Variants in LNPEP observed in about 807,000 individuals in gnomAD.
The protein encoded by LNPEP is leucyl-cystinyl aminopeptidase.
Under a neutral mutation model 120.6 loss-of-function variants are expected in LNPEP, and 64 were observed. The ratio of observed to expected loss-of-function variants is 0.53; its 90% CI spans 0.43 to 0.65. The LOEUF (loss-of-function observed/expected upper bound fraction) is 0.65, where lower values mean the gene tolerates loss of function less well. Ranked by LOEUF, LNPEP falls within the 30% of genes least tolerant of loss-of-function variation. The probability of loss-of-function intolerance (pLI) is 0.00; values close to 1 mark genes in which losing one functional copy is unlikely to be tolerated. For missense variants in LNPEP, 1,057 were observed against 1,200.0 expected, an observed-to-expected ratio of 0.88 and a Z score of 1.76; for synonymous variants, 435 against 425.4, an observed-to-expected ratio of 1.02 and a Z score of -0.28.
chr5:96,971,875 C>G (rs771623530), intron 1 of LNPEP, among the ~76,000 whole-genome samples: 3 of 151,930 alleles, frequency 2.0e-5, no homozygotes, highest in African/African-American at 2.4e-5. Flanking sequence ...TAATAAAACA[C>G]GTCTTCTTCA....
rs141884110 is a variant in LNPEP at position 97,007,342 on chromosome 5, A to T, written c.2035+827A>T. On this transcript the variant is annotated intron_variant, in intron 11 of 17. Transcript: ENST00000231368. Reference sequence around the variant, plus strand: ...GGTTCAATTCTTAGCAGTACCATTGATCACTTATATGATTTTAGGCGAGTT... The same window carrying T: ...GGTTCAATTCTTAGCAGTACCATTGTTCACTTATATGATTTTAGGCGAGTT... Among the ~76,000 whole-genome samples the T allele has an allele frequency of 1.2e-3, 188 of 152,280 alleles. 1 individual carries two copies. Among genetic ancestry groups the T allele is most frequent in the African/African-American group, 4.4e-3 (184 of 41,558 alleles).
intron 1 of LNPEP, 134 bp from the exon 2 acceptor site, chr5:96,979,004 T>G: frequency 1.1e-6 from 1 of 927,520 alleles, no homozygotes; most frequent in Non-Finnish European, 1.6e-6. Flanking sequence ...TCAGTAGCTC[T>G]GAGATGGAAA....
chr5:97,029,232 T>G lies in LNPEP; in HGVS notation c.*699T>G, dbSNP rs1269872831. 1 of 152,372 alleles carries G rather than the reference T, an allele frequency of 6.6e-6. No homozygotes were observed. Among genetic ancestry groups the G allele is most frequent in the Non-Finnish European group, 1.5e-5 (1 of 68,036 alleles). 9.4% of individuals were successfully genotyped at this position (152,372 alleles called of 1,614,324 possible). A position where few individuals can be genotyped will look rare whatever the true frequency, so the allele number is the denominator to read the frequency against. The stretch of plus-strand genomic sequence containing the variant: ...TTAAATTTTTTGAATATTTAAGACT[T>G]TCTTTTTCATCTTTTATAGCGTTAC... On this transcript the variant is annotated 3_prime_UTR_variant, in exon 18 of 18. Coordinates refer to ENST00000231368, the MANE Select transcript of LNPEP (RefSeq NM_005575.3).
chr5:97,025,337 G>T (rs150651321), intron 15 of LNPEP, among the ~76,000 whole-genome samples: 1 of 152,300 alleles, frequency 6.6e-6, no homozygotes, highest in African/African-American at 2.4e-5. Context: ...GTATGATTTT[G>T]CTCAGATAAA....
chr5:97,026,448 A>T (rs1414642245), intron 15 of LNPEP, among the ~76,000 whole-genome samples, 169 bp from the exon 16 acceptor site: 1 of 151,958 alleles, frequency 6.6e-6, no homozygotes, highest in Non-Finnish European at 1.5e-5. Flanking sequence ...TTCTTCATTT[A>T]AAAAAAATGA....
At chr5:96,983,128 C>T (rs1423724474) in intron 2 of LNPEP, among the ~76,000 whole-genome samples, 1 of 152,136 alleles carries the variant, frequency 6.6e-6, no homozygotes, top group Non-Finnish European at 1.5e-5. Flanking sequence ...TACTGATTTG[C>T]CCAAAGTCAT....
At chr5:96,948,165 T>G (rs1414801936) in intron 1 of LNPEP, among the ~76,000 whole-genome samples, 2 of 151,870 alleles carry the variant, frequency 1.3e-5, no homozygotes, top group African/African-American at 4.8e-5. Flanking sequence ...TCTCCCAGGC[T>G]GGAGTGCAGT....
chr5:96,985,074 T>C lies in LNPEP; in HGVS notation c.861-6T>C. The C allele has an allele frequency of 1.2e-6, 2 of 1,613,740 alleles. No homozygotes were observed. Among genetic ancestry groups the C allele is most frequent in the Admixed American group, 1.7e-5 (1 of 59,990 alleles). On this transcript the variant is annotated splice_polypyrimidine_tract_variant and splice_region_variant and intron_variant, in intron 2 of 17. Transcript: ENST00000231368. The stretch of plus-strand genomic sequence containing the variant: ...AACTACTGGATTGAATTTGTGTTTG[T>C]TTTAGGTACTTTGCAGCAACTCAGT...
At position 97,034,074 on chromosome 5, in the gene LNPEP, A is replaced by G. The variant is rs1044708889; in HGVS notation, c.*5541A>G. The G allele has an allele frequency of 6.6e-6, 1 of 152,024 alleles. No individual in the cohort carries two copies. The highest frequency in any genetic ancestry group is 1.5e-5 in the Non-Finnish European group (1 of 67,992). The allele number at this position is 152,024 out of a possible 1,614,324, so 9.4% of individuals were successfully genotyped here. A position where few individuals can be genotyped will look rare whatever the true frequency, so the allele number is the denominator to read the frequency against. ...CTTGGACTTACGGGTACCTAATGAA[A>G]CGTGGAGGTCCGGATGTATGAAAAT... is the stretch of plus-strand genomic sequence containing the variant. On this transcript the variant is annotated 3_prime_UTR_variant, in exon 18 of 18. Coordinates refer to ENST00000231368, the MANE Select transcript of LNPEP (RefSeq NM_005575.3).
rs1415345002 is a variant in LNPEP, at chr5:97,028,567, C to T, written c.*34C>T. 3.1e-6 allele frequency: 5 copies of T among 1,609,604 alleles called. No individual in the cohort carries two copies. The highest frequency in any genetic ancestry group is 4.2e-6 in the Non-Finnish European group (5 of 1,177,626). ...ACCGCACCTCATTTTGTTGCCCATTCAGAGAGCTTGTAAGCTTGGGCTCTG... is the reference window on the plus strand; with the variant it reads ...ACCGCACCTCATTTTGTTGCCCATTTAGAGAGCTTGTAAGCTTGGGCTCTG... On this transcript the variant is annotated 3_prime_UTR_variant, in exon 18 of 18. Transcript: ENST00000231368.
chr5:96,982,018 G>A (rs182179450), intron 2 of LNPEP, among the ~76,000 whole-genome samples: 35 of 152,258 alleles, frequency 2.3e-4, no homozygotes, highest in African/African-American at 8.2e-4. Flanking sequence ...TGAAGGGCTG[G>A]AAACTGTTCC....
Position 97,034,672 on chromosome 5 carries a change from GT to G in LNPEP, c.*6143del, listed in dbSNP as rs1305687839. The G allele has an allele frequency of 6.6e-6, 1 of 151,972 alleles. No individual in the cohort carries two copies. The highest frequency in any genetic ancestry group is 2.4e-5 in the African/African-American group (1 of 41,420). The allele number at this position is 151,972 out of a possible 1,614,324, so 9.4% of individuals were successfully genotyped here. The stretch of plus-strand genomic sequence containing the variant: ...GGGTTTTGGTTTTTTGCTTTTGAGG[GT>G]TTTAATGAGGAGTGGGATTGTTGAG... On this transcript the variant is annotated 3_prime_UTR_variant, in exon 18 of 18. Coordinates refer to ENST00000231368, the MANE Select transcript of LNPEP (RefSeq NM_005575.3).
At chr5:97,009,323 TG>T (rs1452985777) in intron 11 of LNPEP, among the ~76,000 whole-genome samples, 1 of 151,164 alleles carries the variant, frequency 6.6e-6, no homozygotes, top group East Asian at 2.0e-4. Context: ...CATAATATAC[TG>T]TAAGTACTGT....
intron 7 of LNPEP, 142 bp from the exon 8 acceptor site, chr5:96,997,872 G>A: frequency 1.9e-6 from 1 of 520,708 alleles, no homozygotes; most frequent in Non-Finnish European, 3.3e-6. Context: ...ATTTTTGAAA[G>A]CTTATATCCT....
intron 1 of LNPEP, among the ~76,000 whole-genome samples, chr5:96,967,271 A>G (rs576758043): frequency 2.0e-5 from 3 of 152,162 alleles, no homozygotes; most frequent in East Asian, 3.9e-4. Context: ...AACTCAACGT[A>G]CTGGATGACA....
chr5:96,977,095 G>A (rs547760489), intron 1 of LNPEP, among the ~76,000 whole-genome samples: 19 of 152,108 alleles, frequency 1.2e-4, no homozygotes, highest in African/African-American at 4.6e-4. Context: ...AAATTTTAAA[G>A]TAGCATAACT....
Position 97,006,494 on chromosome 5 carries a change from T to G in LNPEP, c.2014T>G (p.Ser672Ala). The change falls in exon 11 of 18, where the codon TCA becomes GCA. Residue 672 changes from serine (S) to alanine (A), a missense_variant. Ser to Ala is a moderately conservative substitution (Grantham distance 99). Transcript: ENST00000231368. ...GRNYSKYQSV[S>A]LLDKKSGVIN... ...AAATTATTCAAAATATCAATCGGTA[T>G]CATTACTGGATAAGAAATCAGGTTT... 1 of 1,550,318 alleles carries G rather than the reference T, an allele frequency of 6.5e-7. No individual in the cohort carries two copies. Among genetic ancestry groups the G allele is most frequent in the Non-Finnish European group, 8.9e-7 (1 of 1,122,668 alleles).
intron 4 of LNPEP, among the ~76,000 whole-genome samples, chr5:96,992,551 T>G (rs1180947573): frequency 6.6e-6 from 1 of 152,094 alleles, no homozygotes; most frequent in Non-Finnish European, 1.5e-5. Context: ...GACTCCTCAG[T>G]GTTGAGTGCC....
chr5:96,985,394 C>A (rs182573942), intron 3 of LNPEP, among the ~76,000 whole-genome samples, 176 bp downstream of exon 3: 2 of 151,988 alleles, frequency 1.3e-5, no homozygotes, highest in South Asian at 4.2e-4. Flanking sequence ...GGGAAGTCAC[C>A]TTGAGGAGGA....
Sources: gnomAD v4.1 joint callset for allele counts (sites outside exome capture counted in the v4.1 genomes callset) on GRCh38, gnomAD v4.1.1 for gene constraint, MANE v1.5 for transcripts, NCBI Gene and HGNC (gene_info 2026-07-23, HGNC 2026-07-21) for gene names.